The following HPSE2 variants were observed in gnomAD, a reference collection of about 807,000 sequenced individuals.
The protein encoded by HPSE2 is heparanase 2 (inactive), also known as inactive heparanase-2.
HPSE2 carries 38 observed loss-of-function variants against 60.5 expected under a neutral mutation model. The observed-to-expected ratio is 0.63, with a 90% confidence interval of 0.48 to 0.82. The LOEUF (loss-of-function observed/expected upper bound fraction) is 0.82, where lower values mean the gene tolerates loss of function less well. Among genes scored for constraint, HPSE2 ranks in the 40% least tolerant of loss-of-function variants. The probability of loss-of-function intolerance (pLI) is 0.00; values close to 1 mark genes in which losing one functional copy is unlikely to be tolerated. For missense variants in HPSE2, 713 were observed against 740.4 expected (o/e 0.96, Z 0.43); for synonymous variants, 295 against 293.2 (o/e 1.01, Z -0.06).
intron 2 of HPSE2, among the ~76,000 whole-genome samples, chr10:99,207,859 A>C (rs1018069559): frequency 6.6e-6 from 1 of 151,914 alleles, no homozygotes; most frequent in African/African-American, 2.4e-5. Context: ...AGATGCCTGA[A>C]ACCACACATA....
chr10:98,977,297 T>C (rs1176962246), intron 3 of HPSE2, among the ~76,000 whole-genome samples: 2 of 152,132 alleles, frequency 1.3e-5, no homozygotes, highest in Non-Finnish European at 2.9e-5. Context: ...GGCAATGACA[T>C]TGGAAAATAA....
At chr10:98,829,806 C>T (rs1951640523) in intron 3 of HPSE2, among the ~76,000 whole-genome samples, 1 of 151,916 alleles carries the variant, frequency 6.6e-6, no homozygotes, top group Non-Finnish European at 1.5e-5. Context: ...AATTTTTAAC[C>T]TCTCACTTTT....
At chr10:98,893,966 T>C (rs1347867339) in intron 3 of HPSE2, among the ~76,000 whole-genome samples, 1 of 151,582 alleles carries the variant, frequency 6.6e-6, no homozygotes, top group Admixed American at 6.6e-5. Flanking sequence ...CAGTGAAAAC[T>C]GCCTCTCTTG....
chr10:98,861,160 C>T (rs1241895643), intron 3 of HPSE2, among the ~76,000 whole-genome samples: 1 of 152,090 alleles, frequency 6.6e-6, no homozygotes, highest in Non-Finnish European at 1.5e-5. Flanking sequence ...TGAGTCATAA[C>T]CAAGACATTC....
intron 9 of HPSE2, among the ~76,000 whole-genome samples, chr10:98,496,305 G>A (rs932579737): frequency 3.0e-4 from 46 of 152,262 alleles, no homozygotes; most frequent in Non-Finnish European, 4.0e-4. Context: ...AAAACAAAAA[G>A]GCACCAATCT....
At chr10:98,586,923 C>A (rs148239512) in intron 9 of HPSE2, among the ~76,000 whole-genome samples, 2 of 152,090 alleles carry the variant, frequency 1.3e-5, no homozygotes, top group Non-Finnish European at 2.9e-5. Context: ...CTGAGGGTTG[C>A]CATTTATAAA....
intron 3 of HPSE2, among the ~76,000 whole-genome samples, chr10:98,987,903 A>G (rs1452668392): frequency 6.6e-6 from 1 of 152,166 alleles, no homozygotes; most frequent in Non-Finnish European, 1.5e-5. Flanking sequence ...AATTGCTTCA[A>G]AGAGAATAAA....
chr10:99,041,127 T>G (rs898094697), intron 3 of HPSE2, among the ~76,000 whole-genome samples: 1 of 152,030 alleles, frequency 6.6e-6, no homozygotes, highest in African/African-American at 2.4e-5. Context: ...TTCAGCACAT[T>G]GATCTGAAAT....
chr10:99,101,842 G>A (rs1374497271), intron 3 of HPSE2, among the ~76,000 whole-genome samples: 1 of 152,166 alleles, frequency 6.6e-6, no homozygotes, highest in East Asian at 1.9e-4. Context: ...ACTTAAAACT[G>A]CTCAACTACA....
intron 3 of HPSE2, among the ~76,000 whole-genome samples, chr10:98,977,031 C>T (rs970952068): frequency 2.6e-5 from 4 of 152,226 alleles, no homozygotes; most frequent in African/African-American, 7.2e-5. Context: ...ATAGAATTTA[C>T]TCAAGAGCCT....
chr10:99,113,577 A>G (rs2135686301), intron 3 of HPSE2, among the ~76,000 whole-genome samples: 1 of 152,338 alleles, frequency 6.6e-6, no homozygotes, highest in Admixed American at 6.5e-5. Context: ...AAATTAAGTA[A>G]TATTTTTAAA....
intron 3 of HPSE2, among the ~76,000 whole-genome samples, chr10:98,867,175 CA>C (rs1322849885): frequency 6.6e-6 from 1 of 151,376 alleles, no homozygotes; most frequent in African/African-American, 2.4e-5. Context: ...CTGGGGAGAC[CA>C]AAGCACTTCA....
At chr10:98,725,280 C>G in intron 4 of HPSE2, among the ~76,000 whole-genome samples, 1 of 152,042 alleles carries the variant, frequency 6.6e-6, no homozygotes, top group Admixed American at 6.6e-5. Flanking sequence ...GGTACTGGTA[C>G]CAAAACAGAG....
intron 3 of HPSE2, among the ~76,000 whole-genome samples, chr10:98,923,978 T>A (rs1259944795): frequency 6.6e-6 from 1 of 152,176 alleles, no homozygotes; most frequent in Non-Finnish European, 1.5e-5. Flanking sequence ...TTCTTTGGCA[T>A]CTGGGCATTA....
chr10:98,944,883 A>G (rs1200842988), intron 3 of HPSE2, among the ~76,000 whole-genome samples: 2 of 152,132 alleles, frequency 1.3e-5, no homozygotes, highest in African/African-American at 4.8e-5. Context: ...AGGGTACTTG[A>G]AAGCCAAGGA....
chr10:98,630,195 G>GTTTTTTTTTTT (rs149014315), intron 7 of HPSE2, among the ~76,000 whole-genome samples: 1 of 127,272 alleles, frequency 7.9e-6, no homozygotes. Flanking sequence ...TTTTTTTTTT[G>GTTTTTTTTTTT]TTTTTTTTTT....
chr10:98,732,088 TACAAA>T (rs2134286858), intron 4 of HPSE2, among the ~76,000 whole-genome samples: 1 of 152,198 alleles, frequency 6.6e-6, no homozygotes, highest in South Asian at 2.1e-4. Flanking sequence ...ACAAAAGAAG[TACAAA>T]ACTTATACAC....
intron 3 of HPSE2, among the ~76,000 whole-genome samples, chr10:99,087,272 G>A (rs1843354106): frequency 6.6e-6 from 1 of 152,328 alleles, no homozygotes; most frequent in South Asian, 2.1e-4. Context: ...GTTTGTCAGT[G>A]TTGACATTAC....
the HPSE2 span, among the ~76,000 whole-genome samples, chr10:99,290,816 G>A: frequency 2.3e-3 from 357 of 152,234 alleles, 1 homozygote; most frequent in African/African-American, 8.1e-3. Flanking sequence ...ATGACCTTAG[G>A]TGACCCAGAC....
Sources: allele counts gnomAD v4.1 joint callset (sites outside exome capture counted in the v4.1 genomes callset), GRCh38; gene constraint gnomAD v4.1.1; transcripts MANE v1.5; gene names NCBI Gene and HGNC (gene_info 2026-07-23, HGNC 2026-07-21).